Variants in MEPE observed in about 807,000 individuals in gnomAD.
The protein encoded by MEPE is matrix, extracellular phosphoglycoprotein with ASARM motif (bone).
MEPE carries 7 observed loss-of-function variants against 7.3 expected under a neutral mutation model. The observed-to-expected ratio is 0.95, with a 90% confidence interval of 0.54 to 1.79. The LOEUF (loss-of-function observed/expected upper bound fraction) is 1.79. MEPE is among the 40% of genes most tolerant of loss of function. The probability of loss-of-function intolerance (pLI) is 0.00; values close to 1 mark genes in which losing one functional copy is unlikely to be tolerated. For synonymous variants in MEPE, 214 were observed against 213.1 expected (o/e 1.00, Z -0.04); for missense variants, 623 against 628.2 (o/e 0.99, Z 0.09).
chr4:87,840,876 A>T (rs1355223030), intron 3 of MEPE, among the ~76,000 whole-genome samples: 1 of 152,218 alleles, frequency 6.6e-6, no homozygotes, highest in Non-Finnish European at 1.5e-5. Context: ...GAACCAAAGC[A>T]TGGAGACAGA....
intron 1 of MEPE, among the ~76,000 whole-genome samples, chr4:87,833,573 C>A (rs1722662347): frequency 6.6e-6 from 1 of 152,028 alleles, no homozygotes; most frequent in Non-Finnish European, 1.5e-5. Context: ...TTAAAGATTG[C>A]AAGAATATTT....
chr4:87,842,246 T>C (rs1723041822), intron 3 of MEPE, among the ~76,000 whole-genome samples: 2 of 152,144 alleles, frequency 1.3e-5, no homozygotes, highest in Non-Finnish European at 1.5e-5. Flanking sequence ...TTCCCTATGA[T>C]CCTGGCTTCC....
chr4:87,842,421 C>A (rs1021076783), intron 3 of MEPE, among the ~76,000 whole-genome samples: 1 of 152,122 alleles, frequency 6.6e-6, no homozygotes, highest in Non-Finnish European at 1.5e-5. Flanking sequence ...CAAGAGCCAA[C>A]AAATTGAAGT....
In MEPE at chr4:87,845,937, A is replaced by C; in HGVS notation, c.1069A>C (p.Arg357=). The change falls in exon 4 of 4, where the codon AGA becomes CGA. Residue 357 remains arginine, a synonymous_variant. Coordinates refer to ENST00000361056, the MANE Select transcript of MEPE (RefSeq NM_020203.6). ...GGAGCTCCCTGGAAGAGAAGGAAAC[A>C]GAGTGGATGCTGGCAGCCAAAATGC... ...FKELPGREGN[R]VDAGSQNAHQ... The C allele has an allele frequency of 6.2e-7, 1 of 1,614,018 alleles. No homozygotes were observed. Among genetic ancestry groups the C allele is most frequent in the Non-Finnish European group, 8.5e-7 (1 of 1,179,950 alleles).
intron 3 of MEPE, among the ~76,000 whole-genome samples, chr4:87,843,725 G>C (rs780878726): frequency 4.7e-4 from 71 of 152,132 alleles, no homozygotes; most frequent in Admixed American, 9.8e-4. Context: ...AGCTAAAATA[G>C]TTATTTAAAT....
At chr4:87,837,458 C>CA (rs1722841880) in intron 2 of MEPE, among the ~76,000 whole-genome samples, 1 of 152,156 alleles carries the variant, frequency 6.6e-6, no homozygotes, top group African/African-American at 2.4e-5. Flanking sequence ...GCTGGAGATA[C>CA]AAAGGAGCTG....
At chr4:87,839,205 T>C (rs1722915367) in intron 3 of MEPE, among the ~76,000 whole-genome samples, 1 of 152,204 alleles carries the variant, frequency 6.6e-6, no homozygotes, top group African/African-American at 2.4e-5. Context: ...CAGAAAATTA[T>C]GTTCTAAGAA....
chr4:87,822,923 A>G (rs1035098539), intron 1 of MEPE, among the ~76,000 whole-genome samples: 1 of 152,180 alleles, frequency 6.6e-6, no homozygotes, highest in Non-Finnish European at 1.5e-5. Context: ...ACTGCAGTCA[A>G]TTCTGGTCCC....
In MEPE at chr4:87,844,997, C is replaced by A; in HGVS notation, c.129C>A (p.Asp43Glu). Reference protein sequence around the residue: ...EEQRQEEKNKDNIGFHHLGKR... With the variant: ...EEQRQEEKNKENIGFHHLGKR... ...TTTAGCAGGAAGAAAAAAACAAAGA[C>A]AATATTGGTTTTCACCATTTGGGCA... Residue 43 changes from aspartate to glutamate, a missense_variant, in exon 4 of 4, where the codon GAC (aspartate) becomes GAA (glutamate). Physicochemically the swap from Asp to Glu is conservative, Grantham distance 45 (BLOSUM62 2). Coordinates refer to ENST00000361056, the MANE Select transcript of MEPE (RefSeq NM_020203.6). 1 of 1,561,900 alleles carries A rather than the reference C, an allele frequency of 6.4e-7. No individual in the cohort carries two copies. The highest frequency in any genetic ancestry group is 8.6e-7 in the Non-Finnish European group (1 of 1,159,936).
At chr4:87,837,417 C>T (rs1248716183) in intron 2 of MEPE, among the ~76,000 whole-genome samples, 1 of 152,126 alleles carries the variant, frequency 6.6e-6, no homozygotes, top group African/African-American at 2.4e-5. Flanking sequence ...GGCAAATGAG[C>T]TTGGGAAATG....
chr4:87,840,744 A>T (rs1220751164), intron 3 of MEPE, among the ~76,000 whole-genome samples: 1 of 152,166 alleles, frequency 6.6e-6, no homozygotes, highest in Non-Finnish European at 1.5e-5. Flanking sequence ...GAGTAGAAAG[A>T]AATTAGTTCC....
upstream of MEPE, among the ~76,000 whole-genome samples, chr4:87,829,619 T>G (rs1206556546): frequency 6.6e-6 from 1 of 152,218 alleles, no homozygotes; most frequent in Admixed American, 6.5e-5. Flanking sequence ...GTTAATGTTA[T>G]GAAACAGTGT....
At chr4:87,840,929 C>G (rs1374845055) in intron 3 of MEPE, among the ~76,000 whole-genome samples, 5 of 152,142 alleles carry the variant, frequency 3.3e-5, no homozygotes, top group Non-Finnish European at 7.4e-5. Flanking sequence ...GGTACATAAA[C>G]CATCGAACAG....
At position 87,846,195 on chromosome 4, in the gene MEPE, C is replaced by T. The variant is rs1474557836; in HGVS notation, c.1327C>T (p.Leu443Phe). 1.9e-6 allele frequency: 3 copies of T among 1,613,962 alleles called. No homozygotes were observed. The South Asian group carries it at 3.3e-5, about 18-fold the overall frequency. The change falls in exon 4 of 4, where the codon CTT becomes TTT. Residue 443 changes from leucine to phenylalanine, a missense_variant. By Grantham distance (22) the Leu-to-Phe change is conservative. Transcript: ENST00000361056. ...GGGCCTGCCCATTCCTTCTCGTGGT[C>T]TTGATAATGAAATCAAAAACGAAAT... Reference protein sequence around the residue: ...SQGLPIPSRGLDNEIKNEMDS... With the variant: ...SQGLPIPSRGFDNEIKNEMDS...
At position 87,845,726 on chromosome 4, in the gene MEPE, A is replaced by G; in HGVS notation, c.858A>G (p.Ala286=). The change falls in exon 4 of 4, where the codon GCA becomes GCG. Residue 286 remains alanine, a synonymous_variant. Transcript: ENST00000361056. The stretch of plus-strand genomic sequence containing the variant: ...GCAAAGATATTCAAACAGGGTTTGC[A>G]GGCCCAAGTGAAGCTGAGAGTACTC... ...LEGKDIQTGF[A]GPSEAESTHL... 6.2e-7 allele frequency: 1 copy of G among 1,613,932 alleles called. No homozygotes were observed. The highest frequency in any genetic ancestry group is 8.5e-7 in the Non-Finnish European group (1 of 1,179,912).
At chr4:87,829,333 C>T (rs1190956633), upstream of MEPE, among the ~76,000 whole-genome samples, 1 of 151,942 alleles carries the variant, frequency 6.6e-6, no homozygotes, top group Non-Finnish European at 1.5e-5. Flanking sequence ...CCAGTTCACC[C>T]CTTGGTAGGA....
rs1723278965 is a variant in MEPE at position 87,846,540 on chromosome 4, G to C, written c.*94G>C. 4.3e-6 allele frequency: 6 copies of C among 1,383,320 alleles called. No homozygotes were observed. The highest frequency in any genetic ancestry group is 2.3e-5 in the East Asian group (1 of 43,626). The allele number at this position is 1,383,320 out of a possible 1,614,324, so 85.7% of individuals were successfully genotyped here. On this transcript the variant is annotated 3_prime_UTR_variant, in exon 4 of 4. Transcript: ENST00000361056. ...GCCACCTGACAGCTGACCAGGTGAAGAGAGGATAGAGTGAAGAACTGAGTG... is the reference window on the plus strand; with the variant it reads ...GCCACCTGACAGCTGACCAGGTGAACAGAGGATAGAGTGAAGAACTGAGTG...
At chr4:87,837,048 T>C (rs1722821859) in intron 2 of MEPE, among the ~76,000 whole-genome samples, 1 of 152,232 alleles carries the variant, frequency 6.6e-6, no homozygotes, top group Non-Finnish European at 1.5e-5. Flanking sequence ...ATTTTGAAGA[T>C]GATTTTATCT....
upstream of MEPE, among the ~76,000 whole-genome samples, chr4:87,830,219 C>T (rs1035518961): frequency 2.6e-5 from 4 of 152,102 alleles, no homozygotes; most frequent in Non-Finnish European, 5.9e-5. Flanking sequence ...CCAGTAATCC[C>T]ATTACTGGGT....
Sources: allele counts gnomAD v4.1 joint callset (sites outside exome capture counted in the v4.1 genomes callset), GRCh38; gene constraint gnomAD v4.1.1; transcripts MANE v1.5; gene names NCBI Gene and HGNC (gene_info 2026-07-23, HGNC 2026-07-21).